ADGRL2: variants seen among roughly 807,000 people sequenced by gnomAD.
ADGRL2 encodes the protein adhesion G protein-coupled receptor L2.
A neutral mutation model predicts 157.4 loss-of-function variants in ADGRL2; 44 were observed. The observed-to-expected ratio is 0.28, with a 90% CI of 0.22 to 0.36. The LOEUF (loss-of-function observed/expected upper bound fraction) is 0.36, where lower values mean the gene tolerates loss of function less well. Among genes scored for constraint, ADGRL2 ranks in the 10% least tolerant of loss-of-function variants. ADGRL2 has a pLI of 1.00. For synonymous variants in ADGRL2, 585 were observed against 624.7 expected (o/e 0.94, Z 0.95); for missense variants, 1,510 against 1,768.9 (o/e 0.85, Z 2.63).
chr1:81,394,233 A>G (rs1217565925), intron 1 of ADGRL2, among the ~76,000 whole-genome samples: 1 of 151,930 alleles, frequency 6.6e-6, no homozygotes, highest in Non-Finnish European at 1.5e-5. Flanking sequence ...TCTCTTATCC[A>G]CTCTTCTATT....
At chr1:81,402,891 G>A (rs941783194) in intron 1 of ADGRL2, among the ~76,000 whole-genome samples, 3 of 152,170 alleles carry the variant, frequency 2.0e-5, no homozygotes, top group East Asian at 1.9e-4. Flanking sequence ...CGACTGTGCA[G>A]CTATCTCATT....
intron 1 of ADGRL2, among the ~76,000 whole-genome samples, chr1:81,416,235 T>TA (rs1485245741): frequency 1.3e-5 from 2 of 151,684 alleles, no homozygotes; most frequent in Admixed American, 6.6e-5. Flanking sequence ...TCTTGATCTT[T>TA]AAAGTGCAAT....
chr1:81,677,009 A>C, intron 3 of ADGRL2, among the ~76,000 whole-genome samples: 1 of 134,002 alleles, frequency 7.5e-6, no homozygotes, highest in South Asian at 2.3e-4. Flanking sequence ...TTTTTTTTTC[A>C]GAGTTTCGCT....
chr1:81,699,240 A>G, upstream of ADGRL2, among the ~76,000 whole-genome samples: 1 of 152,242 alleles, frequency 6.6e-6, no homozygotes. Context: ...AGACAGGAAC[A>G]TAAAAAGAGC....
At chr1:81,548,707 T>G (rs2080077444) in intron 2 of ADGRL2, among the ~76,000 whole-genome samples, 1 of 152,156 alleles carries the variant, frequency 6.6e-6, no homozygotes, top group African/African-American at 2.4e-5. Flanking sequence ...CAGGTTAAAA[T>G]GTAGCATTGT....
At chr1:81,977,373 A>G (rs1660462366) in intron 17 of ADGRL2, among the ~76,000 whole-genome samples, 1 of 151,968 alleles carries the variant, frequency 6.6e-6, no homozygotes, top group African/African-American at 2.4e-5. Context: ...TTAAAGGATT[A>G]ATTGAGATAA....
intron 2 of ADGRL2, among the ~76,000 whole-genome samples, chr1:81,854,974 G>C (rs776292485): frequency 1.3e-5 from 2 of 152,082 alleles, no homozygotes; most frequent in African/African-American, 4.8e-5. Flanking sequence ...AAATTTCAAA[G>C]GTGATTATAT....
chr1:81,982,851 G>C (rs1662052572), intron 19 of ADGRL2, among the ~76,000 whole-genome samples: 1 of 151,916 alleles, frequency 6.6e-6, no homozygotes, highest in African/African-American at 2.4e-5. Context: ...AACACTGGAA[G>C]GTATTATTTG....
At chr1:81,539,007 CAA>C (rs71242586) in intron 2 of ADGRL2, among the ~76,000 whole-genome samples, 86 of 82,496 alleles carry the variant, frequency 1.0e-3, no homozygotes, top group East Asian at 5.7e-3. Flanking sequence ...GACCCTGTCT[CAA>C]AAAAAAAAAA....
chr1:81,871,117 A>ATGT (rs2093682798), intron 2 of ADGRL2, among the ~76,000 whole-genome samples: 2 of 114,396 alleles, frequency 1.7e-5, no homozygotes, highest in South Asian at 6.2e-4. Context: ...CTGTTGTGTG[A>ATGT]TGTTCCCCAT....
At chr1:81,881,991 A>G (rs1019631176) in intron 2 of ADGRL2, among the ~76,000 whole-genome samples, 27 of 152,154 alleles carry the variant, frequency 1.8e-4, no homozygotes, top group South Asian at 1.4e-3. Flanking sequence ...TCCTGAGTCT[A>G]TCTTTTTAAT....
chr1:81,685,179 G>A (rs1432921940), intron 3 of ADGRL2, among the ~76,000 whole-genome samples: 1 of 152,064 alleles, frequency 6.6e-6, no homozygotes, highest in East Asian at 1.9e-4. Flanking sequence ...AAGAATGATG[G>A]TGGTATTCTC....
upstream of ADGRL2, among the ~76,000 whole-genome samples, chr1:81,798,184 A>C (rs1402231142): frequency 3.3e-5 from 5 of 152,098 alleles, no homozygotes; most frequent in Non-Finnish European, 5.9e-5. Flanking sequence ...ATTGTTATAA[A>C]TTATGTTATG....
intron 2 of ADGRL2, among the ~76,000 whole-genome samples, chr1:81,467,969 T>C (rs1368435727): frequency 1.3e-5 from 2 of 152,212 alleles, no homozygotes; most frequent in Non-Finnish European, 2.9e-5. Context: ...ATGTTTTTTC[T>C]AAATACTTTG....
intron 2 of ADGRL2, among the ~76,000 whole-genome samples, chr1:81,555,954 T>C (rs1426720459): frequency 2.6e-5 from 4 of 151,812 alleles, no homozygotes; most frequent in Non-Finnish European, 4.4e-5. Context: ...TACTGCAGAA[T>C]GAATGGCAAA....
chr1:81,753,381 G>A (rs960015617), intron 1 of ADGRL2, among the ~76,000 whole-genome samples: 16 of 152,028 alleles, frequency 1.1e-4, no homozygotes, highest in Admixed American at 6.6e-4. Flanking sequence ...GGAAATACCC[G>A]CCCCCATGAT....
intron 2 of ADGRL2, chr1:81,557,485 G>GAAAGAAAGAA (rs1557458982): frequency 3.3e-4 from 27 of 82,456 alleles, no homozygotes; most frequent in Non-Finnish European, 4.7e-4. Context: ...AAAGAAAGAA[G>GAAAGAAAGAA]AAAGAAAGAA....
intron 3 of ADGRL2, among the ~76,000 whole-genome samples, chr1:81,637,167 A>T (rs2082131257): frequency 1.3e-5 from 2 of 152,160 alleles, no homozygotes; most frequent in East Asian, 3.9e-4. Context: ...GTTGGGAAGC[A>T]CTGCACTGAC....
chr1:81,903,885 G>A (rs2094537951), intron 2 of ADGRL2, among the ~76,000 whole-genome samples: 2 of 148,544 alleles, frequency 1.3e-5, no homozygotes, highest in Middle Eastern at 3.6e-3. Flanking sequence ...TAAGAGAAAT[G>A]TATAAATATG....
Sources: allele counts gnomAD v4.1 joint callset (sites outside exome capture counted in the v4.1 genomes callset), GRCh38; gene constraint gnomAD v4.1.1; transcripts MANE v1.5; gene names NCBI Gene and HGNC (gene_info 2026-07-23, HGNC 2026-07-21).